Variants in UBQLN1 observed in about 807,000 individuals in gnomAD.
The protein encoded by UBQLN1 is ubiquilin 1.
Under a neutral mutation model 65.4 loss-of-function variants are expected in UBQLN1, and 13 were observed. The ratio of observed to expected loss-of-function variants is 0.20; its 90% CI spans 0.13 to 0.32. UBQLN1 has a LOEUF of 0.32. Ranked by LOEUF, UBQLN1 falls within the 10% of genes least tolerant of loss-of-function variation. The pLI is 1.00. For missense variants in UBQLN1, 561 were observed against 724.0 expected, an observed-to-expected ratio of 0.77 and a Z score of 2.58; for synonymous variants, 267 against 247.8, an observed-to-expected ratio of 1.08 and a Z score of -0.73.
At chr9:83,665,377 T>C (rs1208400427) in intron 8 of UBQLN1, 4 of 375,794 alleles carry the variant, frequency 1.1e-5, no homozygotes, top group African/African-American at 8.3e-5. Flanking sequence ...GCCATTTCCA[T>C]AATGGAAGAA....
chr9:83,689,925 CTT>C (rs1832098743), intron 1 of UBQLN1, among the ~76,000 whole-genome samples: 1 of 152,098 alleles, frequency 6.6e-6, no homozygotes, highest in Non-Finnish European at 1.5e-5. Context: ...ACACAGGTAA[CTT>C]TAAATTAAAA....
At chr9:83,665,191 T>C in intron 8 of UBQLN1, 46 bp from the exon 9 acceptor site, 1 of 1,422,154 alleles carries the variant, frequency 7.0e-7, no homozygotes, top group South Asian at 1.2e-5. Flanking sequence ...TTAAAATCAG[T>C]GAACGTAAAT....
At chr9:83,690,031 C>T (rs1315201261) in intron 1 of UBQLN1, among the ~76,000 whole-genome samples, 7 of 152,172 alleles carry the variant, frequency 4.6e-5, no homozygotes, top group Non-Finnish European at 7.3e-5. Flanking sequence ...ACTGTGGGTA[C>T]AAGTATAAAT....
At chr9:83,667,859 A>C (rs2780999) in intron 7 of UBQLN1, 7 of 972,432 alleles carry the variant, frequency 7.2e-6, no homozygotes, top group East Asian at 1.1e-4. Flanking sequence ...AACATTGTAA[A>C]AGTTTCTAAA....
chr9:83,685,220 G>C (rs1414164025), intron 2 of UBQLN1, among the ~76,000 whole-genome samples: 1 of 152,182 alleles, frequency 6.6e-6, no homozygotes, highest in East Asian at 1.9e-4. Context: ...ACTTACAGGA[G>C]TGTTAATGGC....
intron 3 of UBQLN1, among the ~76,000 whole-genome samples, chr9:83,681,092 T>G (rs1288659229): frequency 6.6e-6 from 1 of 152,188 alleles, no homozygotes; most frequent in Non-Finnish European, 1.5e-5. Context: ...TTAAGTTTTA[T>G]TAACAGGAAG....
intron 9 of UBQLN1, 26 bp from the exon 10 acceptor site, chr9:83,664,069 T>C (rs778835811): frequency 3.1e-6 from 5 of 1,591,930 alleles, no homozygotes; most frequent in Middle Eastern, 1.7e-4. Flanking sequence ...ATAGGAAATA[T>C]CCTAAGGTCC....
intron 7 of UBQLN1, chr9:83,667,644 C>T (rs1023477200): frequency 7.2e-5 from 71 of 985,230 alleles, no homozygotes; most frequent in Non-Finnish European, 8.0e-5. Context: ...GAGGTTATCA[C>T]ACATATCTTT....
intron 1 of UBQLN1, among the ~76,000 whole-genome samples, chr9:83,689,255 T>C (rs74332669): frequency 0.039 from 5,997 of 152,316 alleles, 405 homozygotes; most frequent in African/African-American, 0.14. Flanking sequence ...ACTTCATCCC[T>C]TTCTATGGCC....
intron 1 of UBQLN1, among the ~76,000 whole-genome samples, chr9:83,689,246 CT>C (rs1246199730): frequency 6.6e-6 from 1 of 152,340 alleles, no homozygotes; most frequent in East Asian, 1.9e-4. Flanking sequence ...TGTGTCAATA[CT>C]TCATCCCTTT....
At position 83,707,549 on chromosome 9, in the gene UBQLN1, G is replaced by C; in HGVS notation, c.131C>G (p.Pro44Arg). ...CACGGCGAATTCCTCCTTTTCCTTCGGGGTCTTCACGGTGACTTTCATGAT... is the reference window on the plus strand; with the variant it reads ...CACGGCGAATTCCTCCTTTTCCTTCCGGGTCTTCACGGTGACTTTCATGAT... ...PKIMKVTVKT[P>R]KEKEEFAVPE... The change falls in exon 1 of 11, where the codon CCG (proline) becomes CGG (arginine). Residue 44 changes from proline to arginine, a missense_variant. By Grantham distance (103) the Pro-to-Arg change is moderately radical. Coordinates refer to ENST00000376395, the MANE Select transcript of UBQLN1 (RefSeq NM_013438.5). 1 of 1,611,386 alleles carries C rather than the reference G, an allele frequency of 6.2e-7. No individual in the cohort carries two copies. The highest frequency in any genetic ancestry group is 8.5e-7 in the Non-Finnish European group (1 of 1,178,902).
chr9:83,666,521 T>A, intron 7 of UBQLN1, 88 bp from the exon 8 acceptor site: 1 of 1,285,782 alleles, frequency 7.8e-7, no homozygotes, highest in Non-Finnish European at 1.1e-6. Context: ...CCCAAGTGCC[T>A]CAGCTGGCAC....
chr9:83,684,593 C>T (rs1005041529), intron 2 of UBQLN1, among the ~76,000 whole-genome samples: 1 of 152,120 alleles, frequency 6.6e-6, no homozygotes, highest in African/African-American at 2.4e-5. Flanking sequence ...TGGTGGATCA[C>T]CTGAGTTCAG....
In UBQLN1 at chr9:83,684,725, C is replaced by T. The variant is rs1049810755; in HGVS notation, c.332+1279G>A. ...ACTTGGGAGGCTGAGGCGGGAGAAT[C>T]GCTTGAACCCAGAGGCAGACGTTGC... is the stretch of plus-strand genomic sequence containing the variant. On this transcript the variant is annotated intron_variant, in intron 2 of 10. Transcript: ENST00000376395. Among the ~76,000 whole-genome samples the T allele has an allele frequency of 2.6e-5, 4 of 151,074 alleles. No homozygotes were observed. In the South Asian group the frequency reaches 6.3e-4, roughly 24 times the overall value.
intron 10 of UBQLN1, among the ~76,000 whole-genome samples, chr9:83,662,404 C>T (rs1161431885): frequency 6.6e-6 from 1 of 151,966 alleles, no homozygotes; most frequent in Non-Finnish European, 1.5e-5. Flanking sequence ...TCTAAAGCTT[C>T]AATGATTCTT....
intron 1 of UBQLN1, among the ~76,000 whole-genome samples, chr9:83,701,861 A>G (rs2131189339): frequency 6.6e-6 from 1 of 152,354 alleles, no homozygotes; most frequent in South Asian, 2.1e-4. Flanking sequence ...AAACTTATAC[A>G]TGAGTGTTCA....
intron 1 of UBQLN1, among the ~76,000 whole-genome samples, chr9:83,698,524 A>T (rs1288241826): frequency 1.3e-5 from 2 of 152,248 alleles, no homozygotes; most frequent in Non-Finnish European, 2.9e-5. Context: ...AAATTACAAT[A>T]GCCAAAAGGT....
intron 6 of UBQLN1, among the ~76,000 whole-genome samples, chr9:83,670,614 T>C (rs1262023352): frequency 6.6e-6 from 1 of 152,182 alleles, no homozygotes; most frequent in Non-Finnish European, 1.5e-5. Flanking sequence ...AGTCAGCTGG[T>C]GGTCGCTAAA....
chr9:83,668,309 T>C (rs190015554), intron 7 of UBQLN1: 15 of 985,034 alleles, frequency 1.5e-5, no homozygotes, highest in Non-Finnish European at 1.8e-5. Flanking sequence ...TTCATTTGAC[T>C]TAAAGCTTTT....
Sources: allele counts gnomAD v4.1 joint callset (sites outside exome capture counted in the v4.1 genomes callset), GRCh38; gene constraint gnomAD v4.1.1; transcripts MANE v1.5; gene names NCBI Gene and HGNC (gene_info 2026-07-23, HGNC 2026-07-21).